Variants in PCDHA5 observed in about 807,000 individuals in gnomAD.
PCDHA5 encodes the protein protocadherin alpha-5.
PCDHA5 carries 43 observed loss-of-function variants against 61.6 expected under a neutral mutation model. The ratio of observed to expected loss-of-function variants is 0.70; its 90% confidence interval spans 0.55 to 0.90. PCDHA5 has a LOEUF of 0.90. Ranked by LOEUF, PCDHA5 falls within the 40% of genes least tolerant of loss-of-function variation. The pLI is 0.00. For synonymous variants in PCDHA5, 627 were observed against 543.9 expected, an observed-to-expected ratio of 1.15 and a Z score of -2.13; for missense variants, 1,298 against 1,222.7, an observed-to-expected ratio of 1.06 and a Z score of -0.92.
At chr5:140,840,785 T>G (rs1342806305) in intron 1 of PCDHA5, among the ~76,000 whole-genome samples, 1 of 152,086 alleles carries the variant, frequency 6.6e-6, no homozygotes, top group African/African-American at 2.4e-5. Flanking sequence ...TAGAATTATA[T>G]GCTCACCTCA....
At chr5:140,828,193 C>T in intron 1 of PCDHA5, 1 of 1,614,094 alleles carries the variant, frequency 6.2e-7, no homozygotes, top group South Asian at 1.1e-5. Context: ...TCCACTACTC[C>T]GTACCCGAGG....
intron 1 of PCDHA5, chr5:140,829,446 C>T (rs2150168086): frequency 3.6e-5 from 58 of 1,613,896 alleles, no homozygotes; most frequent in Non-Finnish European, 4.7e-5. Context: ...AATGACAATG[C>T]TCCGGCGTTC....
chr5:140,901,815 A>T (rs1339282567), intron 1 of PCDHA5, among the ~76,000 whole-genome samples: 1 of 152,122 alleles, frequency 6.6e-6, no homozygotes, highest in African/African-American at 2.4e-5. Context: ...TACAATATTG[A>T]TTCTTCCAGT....
intron 1 of PCDHA5, chr5:140,864,231 T>G (rs949424981): frequency 2.0e-5 from 3 of 152,222 alleles, no homozygotes; most frequent in Non-Finnish European, 4.4e-5. Flanking sequence ...AAGCAAGTTC[T>G]TTATTCCTAT....
intron 1 of PCDHA5, chr5:140,834,481 A>C (rs2150219318): frequency 6.2e-7 from 1 of 1,614,090 alleles, no homozygotes; most frequent in East Asian, 2.2e-5. Context: ...CAGCTCCACT[A>C]CTCGGTCCCC....
At chr5:140,883,332 T>C (rs2059555585) in intron 1 of PCDHA5, 3 of 1,614,174 alleles carry the variant, frequency 1.9e-6, no homozygotes, top group Non-Finnish European at 2.5e-6. Flanking sequence ...ATCACTTCTT[T>C]GTCACTCCCC....
At chr5:140,859,573 C>T (rs1254151950) in intron 1 of PCDHA5, 4 of 174,136 alleles carry the variant, frequency 2.3e-5, no homozygotes, top group African/African-American at 9.5e-5. Flanking sequence ...ATGAATTTGT[C>T]ATCTTGCCTA....
intron 1 of PCDHA5, chr5:140,876,444 T>A (rs1554168564): frequency 6.2e-7 from 1 of 1,613,996 alleles, no homozygotes; most frequent in Non-Finnish European, 8.5e-7. Context: ...ACGCCATTGA[T>A]AAAGGGATTC....
At chr5:140,862,742 T>A (rs2047519053) in intron 1 of PCDHA5, 2 of 577,562 alleles carry the variant, frequency 3.5e-6, no homozygotes, top group East Asian at 4.8e-5. Context: ...TATGTGTGGG[T>A]GCACGCGGAG....
chr5:140,967,024 T>G, intron 1 of PCDHA5: 1 of 1,608,238 alleles, frequency 6.2e-7, no homozygotes, highest in Non-Finnish European at 8.5e-7. Flanking sequence ...GTGCGCCCAG[T>G]CCGCGCTACC....
Position 140,879,336 on chromosome 5 carries a change from AG to A in PCDHA5, c.2352+55210del, listed in dbSNP as rs1391403992. Among the ~76,000 whole-genome samples, 16 of 152,362 alleles carry A rather than the reference AG, an allele frequency of 1.1e-4. No individual in the cohort carries two copies. In the East Asian group the frequency reaches 2.9e-3, roughly 28 times the overall value. ...TGACTCTCACTTTTTTAGTTTGTTC[AG>A]CTGAGAAGATGACATTGCCATTAAC... On this transcript the variant is annotated intron_variant, in intron 1 of 3. Transcript: ENST00000529859.
intron 1 of PCDHA5, among the ~76,000 whole-genome samples, chr5:140,951,543 C>G (rs246041): frequency 0.56 from 85,284 of 151,440 alleles, 24,613 homozygotes; most frequent in African/African-American, 0.69. Flanking sequence ...GAGCAAGGGA[C>G]GGGGGGAAGT....
At chr5:140,848,364 G>T in intron 1 of PCDHA5, 1 of 1,077,714 alleles carries the variant, frequency 9.3e-7, no homozygotes, top group South Asian at 1.6e-5. Flanking sequence ...CCATGGGAAA[G>T]AGGCTCAATT....
Position 140,829,887 on chromosome 5 carries a change from C to T in PCDHA5, c.2352+5760C>T, listed in dbSNP as rs200115025. On this transcript the variant is annotated intron_variant, in intron 1 of 3. Transcript: ENST00000529859. ...GTGGCGAAGGTGCGCGCAGTTGACGCCGACTCAGGCTACAACGCGTGGCTT... is the reference window on the plus strand; with the variant it reads ...GTGGCGAAGGTGCGCGCAGTTGACGTCGACTCAGGCTACAACGCGTGGCTT... 91 of 1,613,822 alleles carry T rather than the reference C, an allele frequency of 5.6e-5. No homozygotes were observed. The highest frequency in any genetic ancestry group is 7.5e-5 in the Non-Finnish European group (89 of 1,179,888).
Position 140,823,081 on chromosome 5 carries a change from G to A in PCDHA5, c.1306G>A (p.Ala436Thr), listed in dbSNP as rs2150122016. The change falls in exon 1 of 4, where the codon GCC becomes ACC. Residue 436 changes from alanine (A) to threonine (T), a missense_variant. By Grantham distance (58) the Ala-to-Thr change is moderately conservative. Transcript: ENST00000529859. ...ARDGGSPSLW[A>T]TASVSVEVAD... ...GGACGGGGGCTCGCCTTCGCTGTGG[G>A]CCACCGCCAGCGTGTCTGTGGAAGT... 282 of 1,613,818 alleles carry A rather than the reference G, an allele frequency of 1.7e-4. 1 individual carries two copies. The highest frequency in any genetic ancestry group is 2.2e-4 in the Non-Finnish European group (265 of 1,180,014).
At chr5:140,837,468 A>G (rs1775065496) in intron 1 of PCDHA5, among the ~76,000 whole-genome samples, 1 of 151,630 alleles carries the variant, frequency 6.6e-6, no homozygotes, top group African/African-American at 2.4e-5. Context: ...TTGCCTCCTC[A>G]AACCCCAAAC....
Position 140,920,646 on chromosome 5 carries a change from C to T in PCDHA5, c.2353-58303C>T, listed in dbSNP as rs1210828369. Among the ~76,000 whole-genome samples, 4 of 152,014 alleles carry T rather than the reference C, an allele frequency of 2.6e-5. No individual in the cohort carries two copies. In the South Asian group the frequency reaches 8.3e-4, roughly 32 times the overall value. On this transcript the variant is annotated intron_variant, in intron 1 of 3. Coordinates refer to ENST00000529859, the MANE Select transcript of PCDHA5 (RefSeq NM_018908.3). ...GGATCACAAGGTCAAGAGATTGAGA[C>T]CATCCTTGCCAACATGGTGAAACCC...
At chr5:140,887,204 C>T (rs1438790748) in intron 1 of PCDHA5, among the ~76,000 whole-genome samples, 7 of 151,828 alleles carry the variant, frequency 4.6e-5, no homozygotes, top group African/African-American at 1.5e-4. Flanking sequence ...TCACGCCATT[C>T]TCCTGCCTCA....
At chr5:140,867,360 T>C (rs1172405251) in intron 1 of PCDHA5, 1 of 152,152 alleles carries the variant, frequency 6.6e-6, no homozygotes, top group Non-Finnish European at 1.5e-5. Flanking sequence ...TTGATTATTT[T>C]ACAGATGCGT....
Sources: allele counts gnomAD v4.1 joint callset (sites outside exome capture counted in the v4.1 genomes callset), GRCh38; gene constraint gnomAD v4.1.1; transcripts MANE v1.5; gene names NCBI Gene and HGNC (gene_info 2026-07-23, HGNC 2026-07-21).